The following EDDM13 variants were observed in gnomAD, a reference collection of about 807,000 sequenced individuals.
EDDM13 encodes epididymal protein 13.
EDDM13 carries 24 observed loss-of-function variants against 17.8 expected under a neutral mutation model. That is an observed-to-expected ratio of 1.35 (90% confidence interval 0.98 to 1.90). EDDM13 has a LOEUF of 1.90. Ranked by LOEUF, EDDM13 falls within the 40% of genes most tolerant of loss-of-function variation. The pLI is 0.00. For missense variants in EDDM13, 97 were observed against 100.8 expected (o/e 0.96, Z 0.16); for synonymous variants, 31 against 37.5 (o/e 0.83, Z 0.63).
At chr19:56,279,768 T>C (rs1208508429) in intron 2 of EDDM13, among the ~76,000 whole-genome samples, 1 of 152,202 alleles carries the variant, frequency 6.6e-6, no homozygotes, top group Non-Finnish European at 1.5e-5. Context: ...CTGAACCTTC[T>C]AAACCTAAAC....
At chr19:56,296,565 A>G (rs2039890279) in intron 11 of EDDM13, 2 of 152,064 alleles carry the variant, frequency 1.3e-5, no homozygotes, top group Non-Finnish European at 2.9e-5. Context: ...ACCAAATGTT[A>G]TTCTAGGTGT....
intron 12 of EDDM13, among the ~76,000 whole-genome samples, chr19:56,301,252 A>AAT (rs2040208708): frequency 2.0e-5 from 3 of 152,168 alleles, no homozygotes; most frequent in Non-Finnish European, 4.4e-5. Flanking sequence ...TTATTTCCTG[A>AAT]ATATATGATA....
At chr19:56,273,470 T>C (rs62122533) in intron 1 of EDDM13, among the ~76,000 whole-genome samples, 64,981 of 151,702 alleles carry the variant, frequency 0.43, 15,297 homozygotes, top group Non-Finnish European at 0.53. Flanking sequence ...GTGATGAAAA[T>C]AGTTCTGTCT....
At chr19:56,299,564 T>C (rs1413151876) in intron 12 of EDDM13, among the ~76,000 whole-genome samples, 2 of 152,194 alleles carry the variant, frequency 1.3e-5, no homozygotes, top group African/African-American at 2.4e-5. Flanking sequence ...TGTCCCTCAG[T>C]ATCCTCAGGG....
rs146175733 is a variant in EDDM13 at position 56,298,684 on chromosome 19, T to G, written c.295+1153T>G. 2.9e-3 allele frequency among the ~76,000 whole-genome samples: 448 copies of G among 151,882 alleles called. 6 individuals carry two copies. The highest frequency in any genetic ancestry group is 0.01 in the African/African-American group (425 of 41,444). ...AAAAAAAAATCTGAATAATCCTCTA[T>G]CTATTAAAGAAATGCCACCTGTAAT... is the stretch of plus-strand genomic sequence containing the variant. On this transcript the variant is annotated intron_variant, in intron 12 of 14. Coordinates refer to ENST00000649256, the MANE Select transcript of EDDM13 (RefSeq NM_001354658.2).
Position 56,285,000 on chromosome 19 carries a change from C to G in EDDM13, c.130C>G (p.Leu44Val). 1.0e-6 allele frequency: 1 copy of G among 985,290 alleles called. No homozygotes were observed. The highest frequency in any genetic ancestry group is 4.7e-5 in the South Asian group (1 of 21,284). 61.0% of individuals were successfully genotyped at this position (985,290 alleles called of 1,614,324 possible). A position where few individuals can be genotyped will look rare whatever the true frequency, so the allele number is the denominator to read the frequency against. Residue 44 changes from leucine (L) to valine (V), a missense_variant and splice_region_variant, in exon 6 of 15, where the codon CTC becomes GTC. Coordinates refer to ENST00000649256, the MANE Select transcript of EDDM13 (RefSeq NM_001354658.2). ...KINLLKGIIG[L>V]MSRLSPDGLR... ...ATGTGTTATGTCTTCTTCCTCAGGT[C>G]TCATGAGCAGACTGTCACCGGATGG...
At chr19:56,298,432 T>C (rs553397000) in intron 12 of EDDM13, among the ~76,000 whole-genome samples, 4 of 152,070 alleles carry the variant, frequency 2.6e-5, no homozygotes, top group African/African-American at 4.8e-5. Flanking sequence ...GGTCAGGAGA[T>C]TGAGACCATC....
At chr19:56,281,996 C>T (rs2147071004) in intron 3 of EDDM13, among the ~76,000 whole-genome samples, 1 of 152,272 alleles carries the variant, frequency 6.6e-6, no homozygotes, top group South Asian at 2.1e-4. Flanking sequence ...TAGCTTTGAT[C>T]AGATTTTCAG....
chr19:56,273,202 C>T (rs1054262091), intron 1 of EDDM13, among the ~76,000 whole-genome samples: 20 of 152,154 alleles, frequency 1.3e-4, no homozygotes, highest in Admixed American at 1.0e-3. Context: ...CTCATCTGAC[C>T]AACGGGGCTC....
At chr19:56,274,770 TTTTG>T (rs1439446057) in intron 1 of EDDM13, 4 of 151,768 alleles carry the variant, frequency 2.6e-5, no homozygotes, top group East Asian at 1.9e-4. Flanking sequence ...AAGTTTTTTG[TTTTG>T]TTTTGTTTTG....
chr19:56,307,542 G>C (rs1008561018), intron 14 of EDDM13, among the ~76,000 whole-genome samples: 14 of 152,156 alleles, frequency 9.2e-5, no homozygotes, highest in Non-Finnish European at 1.5e-5. Context: ...CAAGCACAGG[G>C]TACAGAAGGC....
chr19:56,287,989 C>T (rs528025694), intron 6 of EDDM13, among the ~76,000 whole-genome samples: 47 of 152,282 alleles, frequency 3.1e-4, no homozygotes, highest in African/African-American at 1.1e-3. Context: ...AGACCAGGAG[C>T]GTGGGTCTCT....
chr19:56,283,174 T>C (rs2038839147), intron 4 of EDDM13, among the ~76,000 whole-genome samples: 2 of 152,176 alleles, frequency 1.3e-5, no homozygotes, highest in African/African-American at 2.4e-5. Flanking sequence ...ATCCAGACTT[T>C]ACCACCTCTT....
intron 14 of EDDM13, among the ~76,000 whole-genome samples, chr19:56,309,650 C>A (rs1262699542): frequency 6.6e-6 from 1 of 152,212 alleles, no homozygotes; most frequent in Non-Finnish European, 1.5e-5. Context: ...AGGTTCTCTT[C>A]CTGCAACTCT....
chr19:56,286,167 G>A (rs1056347047), intron 6 of EDDM13, among the ~76,000 whole-genome samples: 1 of 151,832 alleles, frequency 6.6e-6, no homozygotes, highest in Non-Finnish European at 1.5e-5. Context: ...GACTACAGGC[G>A]CCCACCACCA....
At chr19:56,285,891 G>GTTTC (rs2039081178) in intron 6 of EDDM13, among the ~76,000 whole-genome samples, 1 of 152,236 alleles carries the variant, frequency 6.6e-6, no homozygotes, top group South Asian at 2.1e-4. Context: ...GTTCCTAAAA[G>GTTTC]GGAAATGGCT....
chr19:56,307,357 T>C (rs1213399330), intron 14 of EDDM13, among the ~76,000 whole-genome samples: 1 of 152,162 alleles, frequency 6.6e-6, no homozygotes, highest in East Asian at 1.9e-4. Flanking sequence ...TCACCAACTA[T>C]GATGAGTGTC....
At chr19:56,295,016 G>A (rs1343609057) in intron 9 of EDDM13, 1 of 152,220 alleles carries the variant, frequency 6.6e-6, no homozygotes, top group Non-Finnish European at 1.5e-5. Flanking sequence ...GACTGCTCAG[G>A]GGCACCAGGT....
chr19:56,307,551 G>T (rs2040773625), intron 14 of EDDM13, among the ~76,000 whole-genome samples: 1 of 152,116 alleles, frequency 6.6e-6, no homozygotes. Context: ...GGTACAGAAG[G>T]CCTCTGCTGT....
Sources: gnomAD v4.1 joint callset for allele counts (sites outside exome capture counted in the v4.1 genomes callset) on GRCh38, gnomAD v4.1.1 for gene constraint, MANE v1.5 for transcripts, NCBI Gene and HGNC (gene_info 2026-07-23, HGNC 2026-07-21) for gene names.